Variants in PICALM observed in about 807,000 individuals in gnomAD.
PICALM encodes the protein phosphatidylinositol-binding clathrin assembly protein.
In PICALM, 40 loss-of-function variants were observed where a neutral mutation model predicts 80.5. The observed-to-expected ratio is 0.50, with a 90% CI of 0.39 to 0.65. The LOEUF (loss-of-function observed/expected upper bound fraction) is 0.65. Ranked by LOEUF, PICALM falls within the 30% of genes least tolerant of loss-of-function variation. The pLI is 0.00. For synonymous variants in PICALM, 288 were observed against 260.3 expected (o/e 1.11, Z -1.02); for missense variants, 676 against 778.9 (o/e 0.87, Z 1.57).
intron 11 of PICALM, among the ~76,000 whole-genome samples, chr11:85,998,514 T>G (rs1306008055): frequency 6.6e-6 from 1 of 151,646 alleles, no homozygotes; most frequent in African/African-American, 2.4e-5. Context: ...GTCTGGAGGC[T>G]GGGTGTAGTG....
At chr11:85,999,010 A>G (rs1331834892) in intron 11 of PICALM, among the ~76,000 whole-genome samples, 2 of 152,222 alleles carry the variant, frequency 1.3e-5, no homozygotes, top group African/African-American at 4.8e-5. Context: ...TATGGGATAC[A>G]TATGATATTG....
intron 6 of PICALM, among the ~76,000 whole-genome samples, chr11:86,012,059 C>T (rs919231691): frequency 5.9e-5 from 9 of 152,054 alleles, no homozygotes; most frequent in African/African-American, 1.9e-4. Flanking sequence ...AACATAGATA[C>T]ATCTAAAAAA....
At chr11:86,009,571 A>G (rs1345250150) in intron 7 of PICALM, among the ~76,000 whole-genome samples, 1 of 152,308 alleles carries the variant, frequency 6.6e-6, no homozygotes, top group East Asian at 1.9e-4. Context: ...AGGCACCTGC[A>G]ATCCCAGCTA....
chr11:86,004,551 C>T (rs1345616924), intron 8 of PICALM, among the ~76,000 whole-genome samples: 2 of 151,498 alleles, frequency 1.3e-5, no homozygotes, highest in Non-Finnish European at 2.9e-5. Flanking sequence ...TAAACTCAGG[C>T]TATAGGTCAA....
rs2093565328 is a variant in PICALM, at chr11:85,957,443, CAA to C, written c.*1601_*1602del. Among the ~76,000 whole-genome samples, 1 of 152,014 alleles carries C rather than the reference CAA, an allele frequency of 6.6e-6. No homozygotes were observed. The highest frequency in any genetic ancestry group is 2.4e-5 in the African/African-American group (1 of 41,374). ...ACTTACCTGACTAAAGGCATCTGAT[CAA>C]AAGACAAAAAGTGAACAATTTTAAT... On this transcript the variant is annotated 3_prime_UTR_variant, in exon 20 of 20. Transcript: ENST00000393346.
At chr11:85,978,836 T>C (rs2094355852) in intron 17 of PICALM, 1 of 152,034 alleles carries the variant, frequency 6.6e-6, no homozygotes, top group Non-Finnish European at 1.5e-5. Flanking sequence ...TATAGATTAA[T>C]ACTAACTTAA....
intron 12 of PICALM, among the ~76,000 whole-genome samples, chr11:85,994,246 C>T (rs2094886706): frequency 6.6e-6 from 1 of 152,120 alleles, no homozygotes. Flanking sequence ...TAGGTCTTCT[C>T]AGATATTAGT....
At chr11:85,982,692 G>C (rs2094477892) in intron 14 of PICALM, among the ~76,000 whole-genome samples, 2 of 151,326 alleles carry the variant, frequency 1.3e-5, no homozygotes, top group Admixed American at 6.6e-5. Context: ...CTCCCAAAGT[G>C]CTGGGATTAC....
At chr11:86,041,246 G>C (rs1035966486) in intron 1 of PICALM, among the ~76,000 whole-genome samples, 6 of 152,124 alleles carry the variant, frequency 3.9e-5, no homozygotes, top group Non-Finnish European at 7.4e-5. Flanking sequence ...TAACTTAGAA[G>C]ACATCTGTAG....
intron 1 of PICALM, among the ~76,000 whole-genome samples, chr11:86,056,951 T>C (rs774979590): frequency 6.6e-6 from 1 of 152,134 alleles, no homozygotes; most frequent in Non-Finnish European, 1.5e-5. Context: ...TAATACGAAA[T>C]GTACAGAACA....
At chr11:85,959,728 C>T (rs973818102) in intron 19 of PICALM, among the ~76,000 whole-genome samples, 3 of 149,984 alleles carry the variant, frequency 2.0e-5, no homozygotes, top group Non-Finnish European at 4.4e-5. Context: ...TGCAGACAGT[C>T]GCCACCACAC....
intron 1 of PICALM, among the ~76,000 whole-genome samples, chr11:86,034,419 G>A (rs1293375806): frequency 6.6e-6 from 1 of 152,098 alleles, no homozygotes; most frequent in East Asian, 1.9e-4. Flanking sequence ...AAAGTAAACT[G>A]TTCCAAACAA....
In PICALM at chr11:85,966,295, T is replaced by G. The variant is rs55873745; in HGVS notation, c.1945-7235A>C. On this transcript the variant is annotated intron_variant, in intron 19 of 19. Transcript: ENST00000393346. ...GATCATTGCTAACTGTAGCCTCCAA[T>G]TCCTGGGCTCAAGTGATCCTTCCAC... Among the ~76,000 whole-genome samples, 1,168 of 152,138 alleles carry G rather than the reference T, an allele frequency of 7.7e-3. 15 individuals carry two copies. The highest frequency in any genetic ancestry group is 0.027 in the African/African-American group (1,122 of 41,522).
chr11:85,973,162 T>C (rs186645187), intron 19 of PICALM, among the ~76,000 whole-genome samples: 5 of 152,306 alleles, frequency 3.3e-5, no homozygotes, highest in Non-Finnish European at 4.4e-5. Context: ...AAGAGGCATG[T>C]TGGTAAATGT....
At chr11:86,012,576 A>G (rs1320687756) in intron 5 of PICALM, among the ~76,000 whole-genome samples, 184 bp from the exon 6 acceptor site, 1 of 152,228 alleles carries the variant, frequency 6.6e-6, no homozygotes. Context: ...AATGAACATT[A>G]TTTATTATTA....
At chr11:86,039,614 C>A (rs1339975935) in intron 1 of PICALM, among the ~76,000 whole-genome samples, 1 of 152,038 alleles carries the variant, frequency 6.6e-6, no homozygotes, top group Non-Finnish European at 1.5e-5. Context: ...AGAAGGTAAC[C>A]TGAAAAGACC....
chr11:86,061,438 T>TTTAAGAACAG, intron 1 of PICALM, among the ~76,000 whole-genome samples: 1 of 150,958 alleles, frequency 6.6e-6, no homozygotes, highest in East Asian at 1.9e-4. Flanking sequence ...ACAAAGAACC[T>TTTAAGAACAG]GACTTTAAGA....
chr11:85,989,408 G>A (rs896230991), intron 13 of PICALM, among the ~76,000 whole-genome samples: 4 of 152,126 alleles, frequency 2.6e-5, no homozygotes, highest in African/African-American at 9.6e-5. Context: ...TTTGTTGAGG[G>A]TATACTGATG....
chr11:86,011,306 A>G (rs1230990545), intron 6 of PICALM, among the ~76,000 whole-genome samples, 170 bp from the exon 7 acceptor site: 2 of 152,224 alleles, frequency 1.3e-5, no homozygotes, highest in African/African-American at 4.8e-5. Context: ...ATTAGAATAG[A>G]GGTGCTATTA....
Sources: allele counts gnomAD v4.1 joint callset (sites outside exome capture counted in the v4.1 genomes callset), GRCh38; gene constraint gnomAD v4.1.1; transcripts MANE v1.5; gene names NCBI Gene and HGNC (gene_info 2026-07-23, HGNC 2026-07-21).